Variants in UTRN observed in about 807,000 individuals in gnomAD.
UTRN encodes utrophin.
UTRN carries 283 observed loss-of-function variants against 463.9 expected under a neutral mutation model. The ratio of observed to expected loss-of-function variants is 0.61; its 90% CI spans 0.55 to 0.67. The LOEUF (loss-of-function observed/expected upper bound fraction) is 0.67. Ranked by LOEUF, UTRN falls within the 30% of genes least tolerant of loss-of-function variation. UTRN has a pLI of 0.00. For missense variants in UTRN, 3,922 were observed against 4,084.3 expected (o/e 0.96, Z 1.08); for synonymous variants, 1,442 against 1,431.5 (o/e 1.01, Z -0.17).
chr6:144,820,984 G>C lies in UTRN; in HGVS notation c.9460G>C (p.Val3154Leu). ...AKHPRLGYLP[V>L]QTVLEGDNLE... ...ACACCCTCGACTTGGTTACCTGCCT[G>C]TCCAGACAGTTCTTGAAGGTGACAA... is the stretch of plus-strand genomic sequence containing the variant. The change falls in exon 66 of 75, where the codon GTC becomes CTC. Residue 3154 changes from valine to leucine, a missense_variant. Around this residue, in one of 3 missense-constraint regions of UTRN, gnomAD observed 1,309 missense variants for 1,452.6 expected, o/e 0.90. Coordinates refer to ENST00000367545, the MANE Select transcript of UTRN (RefSeq NM_007124.3). 2 of 1,613,900 alleles carry C rather than the reference G, an allele frequency of 1.2e-6. No homozygotes were observed. Among genetic ancestry groups the C allele is most frequent in the South Asian group, 2.2e-5 (2 of 91,060 alleles).
chr6:144,432,347 ACT>A (rs1322161892), intron 9 of UTRN, among the ~76,000 whole-genome samples: 1 of 151,228 alleles, frequency 6.6e-6, no homozygotes, highest in African/African-American at 2.4e-5. Flanking sequence ...TCAAAATACA[ACT>A]CTCTGTCTCT....
intron 65 of UTRN, among the ~76,000 whole-genome samples, chr6:144,803,469 C>A (rs1586639526): frequency 6.6e-6 from 1 of 151,816 alleles, no homozygotes; most frequent in East Asian, 1.9e-4. Flanking sequence ...TAGTTAAATA[C>A]CATATTCATA....
intron 28 of UTRN, 25 bp downstream of exon 28, chr6:144,485,544 AT>A: frequency 2.5e-6 from 4 of 1,613,856 alleles, no homozygotes; most frequent in Non-Finnish European, 3.4e-6. Flanking sequence ...TCTCCACGGC[AT>A]TTCTCTTTGC....
intron 53 of UTRN, among the ~76,000 whole-genome samples, chr6:144,711,953 G>A (rs939397133): frequency 4.0e-5 from 6 of 151,440 alleles, no homozygotes; most frequent in African/African-American, 1.5e-4. Flanking sequence ...ACACCCTACT[G>A]TTAAATTTAG....
In UTRN at chr6:144,548,689, T is replaced by C. The variant is rs1209699926; in HGVS notation, c.6645T>C (p.Ile2215=). The C allele has an allele frequency of 6.2e-7, 1 of 1,614,094 alleles. No individual in the cohort carries two copies. Among genetic ancestry groups the C allele is most frequent in the Non-Finnish European group, 8.5e-7 (1 of 1,179,978 alleles). The change falls in exon 47 of 75, where the codon ATT becomes ATC. Residue 2215 remains isoleucine, a synonymous_variant. Coordinates refer to ENST00000367545, the MANE Select transcript of UTRN (RefSeq NM_007124.3). ...KVVLVSSASD[I]PVQSHRTSEI... ...TGCTAGTATCATCTGCGTCAGATATTCCTGTTCAGTCTCATCGTACTTCGG... is the reference window on the plus strand; with the variant it reads ...TGCTAGTATCATCTGCGTCAGATATCCCTGTTCAGTCTCATCGTACTTCGG...
rs1785597734 is a variant in UTRN at position 144,710,766 on chromosome 6, A to G, written c.7809+10523A>G. ...TATTTTGTTTAAAACTATATAGGCT[A>G]CATGAGCAGTTTTAACTAAATAAAA... On this transcript the variant is annotated intron_variant, in intron 53 of 74. Transcript: ENST00000367545. Among the ~76,000 whole-genome samples, 5 of 152,342 alleles carry G rather than the reference A, an allele frequency of 3.3e-5. No individual in the cohort carries two copies. In the South Asian group the frequency reaches 1.0e-3, roughly 32 times the overall value.
rs2128658676 is a variant in UTRN, at chr6:144,636,749, A to G, written c.7480-41657A>G. On this transcript the variant is annotated intron_variant, in intron 51 of 74. Transcript: ENST00000367545. ...GGATTATAGTTGCTTGCAGTATAGCATTTACATCTTCCTTATTCTTTTTTC... is the reference window on the plus strand; with the variant it reads ...GGATTATAGTTGCTTGCAGTATAGCGTTTACATCTTCCTTATTCTTTTTTC... Among the ~76,000 whole-genome samples, 2 of 152,294 alleles carry G rather than the reference A, an allele frequency of 1.3e-5. 1 individual carries two copies. The highest frequency in any genetic ancestry group is 4.1e-4 in the South Asian group (2 of 4,822).
intron 66 of UTRN, among the ~76,000 whole-genome samples, chr6:144,821,773 AATAG>A (rs1779627913): frequency 6.6e-6 from 1 of 152,130 alleles, no homozygotes; most frequent in Non-Finnish European, 1.5e-5. Context: ...TTAAGATCCA[AATAG>A]ATAGATTTTA....
chr6:144,489,685 G>A (rs554490124), intron 30 of UTRN, among the ~76,000 whole-genome samples: 64 of 152,082 alleles, frequency 4.2e-4, no homozygotes, highest in African/African-American at 1.5e-3. Context: ...GCAGTGGCGC[G>A]ATCTCGGCTC....
chr6:144,777,210 G>A (rs1201095381), intron 60 of UTRN, among the ~76,000 whole-genome samples: 1 of 152,096 alleles, frequency 6.6e-6, no homozygotes, highest in African/African-American at 2.4e-5. Context: ...TGTGTCCAAG[G>A]AGATTTATAG....
chr6:144,600,012 T>A lies in UTRN; in HGVS notation c.7479+22724T>A, dbSNP rs965290467. ...ATATATTATTTTACCCAGTGATCAG[T>A]GATCTTTGATGTTACTATTGTAATT... is the stretch of plus-strand genomic sequence containing the variant. On this transcript the variant is annotated intron_variant, in intron 51 of 74. Coordinates refer to ENST00000367545, the MANE Select transcript of UTRN (RefSeq NM_007124.3). 2.6e-5 allele frequency among the ~76,000 whole-genome samples: 4 copies of A among 152,188 alleles called. No individual in the cohort carries two copies. The East Asian group carries it at 7.7e-4, about 29-fold the overall frequency.
At chr6:144,474,810 G>A in intron 25 of UTRN, 51 bp downstream of exon 25, 2 of 1,563,652 alleles carry the variant, frequency 1.3e-6, no homozygotes, top group South Asian at 2.4e-5. Context: ...GTAGACTGTA[G>A]CTTCTCTCAG....
intron 66 of UTRN, among the ~76,000 whole-genome samples, chr6:144,824,791 C>A (rs1780031338): frequency 6.7e-6 from 1 of 148,554 alleles, no homozygotes. Flanking sequence ...GGTGTCCCCC[C>A]AGCGTTAAGA....
intron 51 of UTRN, among the ~76,000 whole-genome samples, chr6:144,584,442 G>C (rs924017744): frequency 6.6e-6 from 1 of 151,950 alleles, no homozygotes; most frequent in African/African-American, 2.4e-5. Context: ...TTTTAGTACC[G>C]TTCTCAAGAA....
At chr6:144,463,752 G>A (rs766834852) in intron 23 of UTRN, among the ~76,000 whole-genome samples, 2 of 151,178 alleles carry the variant, frequency 1.3e-5, no homozygotes, top group Admixed American at 1.3e-4. Flanking sequence ...ATTTTTCAAC[G>A]AATGAAATGA....
intron 51 of UTRN, among the ~76,000 whole-genome samples, chr6:144,636,543 TAA>T (rs201188776): frequency 1.3e-4 from 19 of 149,584 alleles, no homozygotes; most frequent in East Asian, 1.2e-3. Context: ...TAAAGTATAA[TAA>T]AAAAAAAATA....
At chr6:144,451,336 C>T (rs749946438) in intron 17 of UTRN, 34 bp from the exon 18 acceptor site, 1 of 1,590,396 alleles carries the variant, frequency 6.3e-7, no homozygotes. Context: ...TAGAAGGAAA[C>T]ATGACAAATG....
At chr6:144,802,288 G>A (rs1777766301) in intron 64 of UTRN, among the ~76,000 whole-genome samples, 1 of 152,106 alleles carries the variant, frequency 6.6e-6, no homozygotes, top group Non-Finnish European at 1.5e-5. Flanking sequence ...ATTTGCAAGT[G>A]ATTTTTCAGG....
chr6:144,497,398 G>A (rs771506500), intron 33 of UTRN, among the ~76,000 whole-genome samples: 3 of 151,820 alleles, frequency 2.0e-5, no homozygotes, highest in African/African-American at 4.8e-5. Context: ...ATAGAGGACC[G>A]GGTGCGGTCG....
Sources: gnomAD v4.1 joint callset for allele counts (sites outside exome capture counted in the v4.1 genomes callset) on GRCh38, gnomAD v4.1.1 for gene constraint, gnomAD v4.1.1 regional missense constraint, MANE v1.5 for transcripts, NCBI Gene and HGNC (gene_info 2026-07-23, HGNC 2026-07-21) for gene names.